The following ULK4 variants were observed in gnomAD, a reference collection of about 807,000 sequenced individuals.
ULK4 encodes inactive serine/threonine-protein kinase ULK4.
Under a neutral mutation model 160.6 loss-of-function variants are expected in ULK4, and 133 were observed. The ratio of observed to expected loss-of-function variants is 0.83; its 90% CI spans 0.72 to 0.96. ULK4 has a LOEUF of 0.96. Among genes scored for constraint, ULK4 ranks in the 40% least tolerant of loss-of-function variants. The probability of loss-of-function intolerance (pLI) is 0.00; values close to 1 mark genes in which losing one functional copy is unlikely to be tolerated. For missense variants in ULK4, 1,580 were observed against 1,499.5 expected, an observed-to-expected ratio of 1.05 and a Z score of -0.89; for synonymous variants, 534 against 539.8, an observed-to-expected ratio of 0.99 and a Z score of 0.15.
At chr3:41,873,915 A>C (rs1697209285) in intron 17 of ULK4, among the ~76,000 whole-genome samples, 1 of 151,228 alleles carries the variant, frequency 6.6e-6, no homozygotes, top group African/African-American at 2.4e-5. Context: ...ATCACACATA[A>C]TTTGCAAGAT....
At chr3:41,431,355 AAATAATAATAATAATAATAAT>A (rs57010705) in intron 34 of ULK4, among the ~76,000 whole-genome samples, 1 of 139,116 alleles carries the variant, frequency 7.2e-6, no homozygotes, top group Non-Finnish European at 1.5e-5. Context: ...ACACACACAC[AAATAATAATAATAATAATAAT>A]AATAATAATA....
intron 34 of ULK4, among the ~76,000 whole-genome samples, chr3:41,436,385 G>A (rs544847399): frequency 3.3e-5 from 5 of 152,190 alleles, no homozygotes; most frequent in African/African-American, 4.8e-5. Context: ...TTTTAAAAAC[G>A]CCATACTATA....
chr3:41,417,374 A>C (rs1174536384), intron 34 of ULK4, among the ~76,000 whole-genome samples: 2 of 152,190 alleles, frequency 1.3e-5, no homozygotes, highest in East Asian at 3.9e-4. Flanking sequence ...AGACAAGGTG[A>C]CAAAACATAG....
chr3:41,419,177 G>A (rs760634289), intron 34 of ULK4, among the ~76,000 whole-genome samples: 1 of 152,108 alleles, frequency 6.6e-6, no homozygotes, highest in African/African-American at 2.4e-5. Context: ...TTCTTTCAGC[G>A]TTTCTGTTTG....
chr3:41,473,098 T>C (rs76189751), intron 32 of ULK4, among the ~76,000 whole-genome samples: 4,648 of 152,120 alleles, frequency 0.031, 228 homozygotes, highest in African/African-American at 0.1. Flanking sequence ...TACCTCAACA[T>C]AATAAAGGAC....
At chr3:41,691,255 A>G (rs1400217160) in intron 27 of ULK4, among the ~76,000 whole-genome samples, 2 of 151,874 alleles carry the variant, frequency 1.3e-5, no homozygotes, top group Admixed American at 1.3e-4. Flanking sequence ...AGGCCCCTGC[A>G]CATACGAACA....
intron 34 of ULK4, among the ~76,000 whole-genome samples, chr3:41,429,256 G>C (rs1044113001): frequency 2.0e-5 from 3 of 152,194 alleles, no homozygotes; most frequent in South Asian, 2.1e-4. Context: ...AACAACAGAT[G>C]CTAGAGAGGC....
In ULK4 at chr3:41,246,801, G is replaced by C. The variant is rs144609163; in HGVS notation, c.*128C>G. ...GAGCACTTGGGCCACCAGGTTCTGG[G>C]TTAAGCTGACTTTATTAGGTCCAAA... is the stretch of plus-strand genomic sequence containing the variant. On this transcript the variant is annotated 3_prime_UTR_variant, in exon 37 of 37. Transcript: ENST00000301831. 2 of 1,169,684 alleles carry C rather than the reference G, an allele frequency of 1.7e-6. No homozygotes were observed. Among genetic ancestry groups the C allele is most frequent in the Non-Finnish European group, 1.2e-6 (1 of 827,048 alleles). The allele number at this position is 1,169,684 out of a possible 1,614,324, so 72.5% of individuals were successfully genotyped here.
chr3:41,689,129 C>T (rs2036198570), intron 27 of ULK4, among the ~76,000 whole-genome samples: 2 of 152,196 alleles, frequency 1.3e-5, no homozygotes, highest in Admixed American at 6.5e-5. Flanking sequence ...TCAGGGCACA[C>T]CTGAAGTCTT....
In ULK4 at chr3:41,820,835, A is replaced by G. The variant is rs567750386; in HGVS notation, c.1765-1329T>C. The stretch of plus-strand genomic sequence containing the variant: ...CATTACTAATCCAAAAGTATTTTAC[A>G]CCCATGAGAAGAATCATGACCCATT... On this transcript the variant is annotated intron_variant, in intron 18 of 36. Coordinates refer to ENST00000301831, the MANE Select transcript of ULK4 (RefSeq NM_017886.4). Among the ~76,000 whole-genome samples, 5 of 152,332 alleles carry G rather than the reference A, an allele frequency of 3.3e-5. No individual in the cohort carries two copies. The East Asian group carries it at 9.6e-4, about 29-fold the overall frequency.
intron 17 of ULK4, among the ~76,000 whole-genome samples, chr3:41,874,076 T>C (rs929408530): frequency 9.2e-5 from 14 of 152,110 alleles, no homozygotes; most frequent in Admixed American, 7.2e-4. Flanking sequence ...TCTCAGAAAG[T>C]GCAACAAGTG....
chr3:41,365,307 C>T (rs1194471037), intron 35 of ULK4, among the ~76,000 whole-genome samples: 1 of 152,152 alleles, frequency 6.6e-6, no homozygotes. Context: ...GTAGCCTTCA[C>T]AATCTTGAAG....
At chr3:41,535,435 G>A (rs962467686) in intron 32 of ULK4, among the ~76,000 whole-genome samples, 1 of 152,156 alleles carries the variant, frequency 6.6e-6, no homozygotes, top group Non-Finnish European at 1.5e-5. Flanking sequence ...ACTTAAAGCA[G>A]AGAACAATCA....
chr3:41,823,591 G>A (rs1055853943), intron 18 of ULK4, among the ~76,000 whole-genome samples: 18 of 152,260 alleles, frequency 1.2e-4, no homozygotes, highest in African/African-American at 4.3e-4. Flanking sequence ...ACCTTAGGGT[G>A]TTACTAGAGA....
At chr3:41,729,753 G>C (rs1275144175) in intron 22 of ULK4, among the ~76,000 whole-genome samples, 1 of 152,208 alleles carries the variant, frequency 6.6e-6, no homozygotes, top group Non-Finnish European at 1.5e-5. Context: ...TGCCCTCAGG[G>C]AAGCAGCCCA....
At position 41,952,359 on chromosome 3, in the gene ULK4, A is replaced by C. The variant is rs577466140; in HGVS notation, c.138+2263T>G. Among the ~76,000 whole-genome samples the C allele has an allele frequency of 2.6e-5, 4 of 152,350 alleles. No homozygotes were observed. The East Asian group carries it at 7.7e-4, about 29-fold the overall frequency. ...AGAAGTCGTAAAACTCAGCAAGAAAACAACCAACCAGATTAGAGAATGGGC... is the reference window on the plus strand; with the variant it reads ...AGAAGTCGTAAAACTCAGCAAGAAACCAACCAACCAGATTAGAGAATGGGC... On this transcript the variant is annotated intron_variant, in intron 2 of 36. Transcript: ENST00000301831.
chr3:41,476,782 T>G (rs1440836113), intron 32 of ULK4, among the ~76,000 whole-genome samples: 1 of 152,184 alleles, frequency 6.6e-6, no homozygotes, highest in Non-Finnish European at 1.5e-5. Context: ...CTACTGGTTC[T>G]AGCTGATACA....
intron 35 of ULK4, among the ~76,000 whole-genome samples, chr3:41,379,563 G>A (rs1419193670): frequency 6.6e-6 from 1 of 152,164 alleles, no homozygotes; most frequent in African/African-American, 2.4e-5. Context: ...TACCGGTCTA[G>A]GAAGTTTGGC....
At chr3:41,735,331 G>C (rs935133112) in intron 22 of ULK4, among the ~76,000 whole-genome samples, 2 of 152,174 alleles carry the variant, frequency 1.3e-5, no homozygotes, top group East Asian at 1.9e-4. Flanking sequence ...CATTTATATT[G>C]TGTAAAGTCA....
Sources: allele counts gnomAD v4.1 joint callset (sites outside exome capture counted in the v4.1 genomes callset), GRCh38; gene constraint gnomAD v4.1.1; transcripts MANE v1.5; gene names NCBI Gene and HGNC (gene_info 2026-07-23, HGNC 2026-07-21).